Variants in ACSL1 observed in about 807,000 individuals in gnomAD.
The protein encoded by ACSL1 is long-chain-fatty-acid--CoA ligase 1.
Under a neutral mutation model 98.4 loss-of-function variants are expected in ACSL1, and 41 were observed. That is an observed-to-expected ratio of 0.42 (90% CI 0.32 to 0.54). ACSL1 has a LOEUF of 0.54. Ranked by LOEUF, ACSL1 falls within the 20% of genes least tolerant of loss-of-function variation. ACSL1 has a pLI of 0.13. For missense variants in ACSL1, 734 were observed against 883.1 expected (o/e 0.83, Z 2.14); for synonymous variants, 316 against 322.7 (o/e 0.98, Z 0.22).
intron 2 of ACSL1, among the ~76,000 whole-genome samples, chr4:184,791,362 C>T (rs1768330156): frequency 6.6e-6 from 1 of 152,160 alleles, no homozygotes; most frequent in African/African-American, 2.4e-5. Flanking sequence ...CAGGGAGAGT[C>T]AGGATGAACA....
chr4:184,780,362 G>A lies in ACSL1; in HGVS notation c.447C>T (p.Phe149=). 1 of 1,613,816 alleles carries A rather than the reference G, an allele frequency of 6.2e-7. No homozygotes were observed. The highest frequency in any genetic ancestry group is 1.1e-5 in the South Asian group (1 of 91,068). ...QKGFKTAPDQ[F]IGIFAQNRPE... is the part of the protein sequence containing the mutation. Reference sequence around the variant, plus strand: ...GTCTATTTTGAGCAAAGATGCCAATGAACTGATCTGGGGCAGTCTTGAAGC... The same window carrying A: ...GTCTATTTTGAGCAAAGATGCCAATAAACTGATCTGGGGCAGTCTTGAAGC... The change falls in exon 5 of 21, where the codon TTC becomes TTT. Residue 149 remains phenylalanine (F), a synonymous_variant. Coordinates refer to ENST00000281455, the MANE Select transcript of ACSL1 (RefSeq NM_001995.5).
At chr4:184,784,951 T>A (rs1473894795) in intron 3 of ACSL1, among the ~76,000 whole-genome samples, 1 of 152,192 alleles carries the variant, frequency 6.6e-6, no homozygotes, top group Admixed American at 6.5e-5. Context: ...TCCAATCAGA[T>A]GTTGCTTCCA....
Position 184,773,721 on chromosome 4 carries a change from AT to A in ACSL1, c.790-8del. On this transcript the variant is annotated splice_polypyrimidine_tract_variant and splice_region_variant and intron_variant, in intron 8 of 20. Transcript: ENST00000281455. The surrounding 1 kb of genome is among the most constrained non-coding windows in gnomAD (Gnocchi z 4.3). ...GATCTTCAGGTGCTGGAGGCTAAAG[AT>A]TAAAAAAAAAAAAAGCTGGTATAAA... The A allele has an allele frequency of 6.3e-7, 1 of 1,599,708 alleles. No individual in the cohort carries two copies. The highest frequency in any genetic ancestry group is 8.5e-7 in the Non-Finnish European group (1 of 1,176,414).
At chr4:184,812,263 C>G in intron 1 of ACSL1, 1 of 983,084 alleles carries the variant, frequency 1.0e-6, no homozygotes, top group African/African-American at 1.7e-5. Flanking sequence ...CAGTCCCGAG[C>G]CAAGGACAGG....
chr4:184,811,210 G>T (rs913150889), intron 1 of ACSL1, among the ~76,000 whole-genome samples: 8 of 152,018 alleles, frequency 5.3e-5, no homozygotes, highest in African/African-American at 1.7e-4. Flanking sequence ...CTGGGTTCAC[G>T]CCATTCTCCC....
At chr4:184,805,966 T>A (rs539102972) in intron 1 of ACSL1, among the ~76,000 whole-genome samples, 33 of 152,260 alleles carry the variant, frequency 2.2e-4, no homozygotes, top group African/African-American at 7.7e-4. Context: ...CTAACCAAGG[T>A]AAGGCATACC....
In ACSL1 at chr4:184,766,179, G is replaced by A. The variant is rs573240435; in HGVS notation, c.1264-193C>T. Among the ~76,000 whole-genome samples the A allele has an allele frequency of 6.6e-6, 1 of 152,330 alleles. No homozygotes were observed. Among genetic ancestry groups the A allele is most frequent in the Admixed American group, 6.5e-5 (1 of 15,304 alleles). ...GTTTGTTTCCACCCGTGACTGCCCT[G>A]TTCCCTCCCAATGGGGATGGAAGTC... On this transcript the variant is annotated intron_variant, in intron 13 of 20. Coordinates refer to ENST00000281455, the MANE Select transcript of ACSL1 (RefSeq NM_001995.5). This position sits in a 1 kb window ranked among gnomAD's most constrained non-coding sequence, Gnocchi z 4.8.
chr4:184,765,620 A>G (rs1375633871), intron 14 of ACSL1, among the ~76,000 whole-genome samples: 1 of 152,194 alleles, frequency 6.6e-6, no homozygotes, highest in African/African-American at 2.4e-5. Flanking sequence ...TATACTTGAA[A>G]ACTGCCCAGA....
chr4:184,777,078 T>C, intron 5 of ACSL1, 95 bp from the exon 6 acceptor site: 4 of 1,126,144 alleles, frequency 3.6e-6, no homozygotes, highest in Non-Finnish European at 5.2e-6. Context: ...AGTGAAAACA[T>C]TTGACGCAGC....
intron 5 of ACSL1, among the ~76,000 whole-genome samples, 157 bp downstream of exon 5, chr4:184,780,175 C>G (rs1765998106): frequency 6.6e-6 from 1 of 152,150 alleles, no homozygotes. Context: ...CCCAGCGGCC[C>G]TGGTTGAGGT....
At chr4:184,796,572 A>G (rs1231204320) in intron 2 of ACSL1, among the ~76,000 whole-genome samples, 2 of 152,226 alleles carry the variant, frequency 1.3e-5, no homozygotes, top group Admixed American at 6.5e-5. Context: ...AGACCATGGA[A>G]TAACAGGCCA....
At chr4:184,788,199 A>G (rs1298483478) in intron 3 of ACSL1, among the ~76,000 whole-genome samples, 1 of 152,184 alleles carries the variant, frequency 6.6e-6, no homozygotes, top group Non-Finnish European at 1.5e-5. Context: ...CCATGAGCCA[A>G]CATTTCCCAA....
chr4:184,812,703 G>A (rs1046442987), intron 1 of ACSL1, among the ~76,000 whole-genome samples: 1 of 152,110 alleles, frequency 6.6e-6, no homozygotes, highest in African/African-American at 2.4e-5. Context: ...TTGGACAGAC[G>A]ACTGATGATT....
At chr4:184,774,865 T>C (rs1765051074) in intron 7 of ACSL1, among the ~76,000 whole-genome samples, 1 of 152,228 alleles carries the variant, frequency 6.6e-6, no homozygotes, top group Non-Finnish European at 1.5e-5. Context: ...GGAACTAATA[T>C]ATCCAATTAG....
chr4:184,814,118 G>A (rs1045348233), intron 1 of ACSL1, among the ~76,000 whole-genome samples: 9 of 151,996 alleles, frequency 5.9e-5, no homozygotes, highest in Non-Finnish European at 7.4e-5. Context: ...GTGAAACCCC[G>A]TCTCTACTAA....
intron 2 of ACSL1, among the ~76,000 whole-genome samples, chr4:184,801,553 A>G (rs1279340428): frequency 6.6e-6 from 1 of 152,200 alleles, no homozygotes; most frequent in East Asian, 1.9e-4. Context: ...GGATGATGCT[A>G]GCTATATCAA....
chr4:184,798,802 T>C (rs1428469249), intron 2 of ACSL1: 1 of 152,336 alleles, frequency 6.6e-6, no homozygotes, highest in African/African-American at 2.4e-5. Context: ...GCAGAGCATC[T>C]CAGACATTCT....
At chr4:184,784,020 G>A (rs1766787471) in intron 3 of ACSL1, 29 bp from the exon 4 acceptor site, 2 of 1,566,696 alleles carry the variant, frequency 1.3e-6, no homozygotes, top group Admixed American at 1.7e-5. Flanking sequence ...CAACAGATGG[G>A]CTGAACGTAC....
At position 184,813,915 on chromosome 4, in the gene ACSL1, A is replaced by G. The variant is rs1003296929; in HGVS notation, c.-32-10369T>C. On this transcript the variant is annotated intron_variant, in intron 1 of 20. Coordinates refer to ENST00000281455, the MANE Select transcript of ACSL1 (RefSeq NM_001995.5). ...GAAACTGCACGCAGAGAAGGTACCT[A>G]GATCCTGGGGTCCTCTCAGGTGCTC... 2.2e-5 allele frequency: 10 copies of G among 455,164 alleles called. 1 individual carries two copies. The highest frequency in any genetic ancestry group is 1.6e-4 in the African/African-American group (8 of 50,072). The allele number at this position is 455,164 out of a possible 1,614,324, so 28.2% of individuals were successfully genotyped here. A position where few individuals can be genotyped will look rare whatever the true frequency, so the allele number is the denominator to read the frequency against.
Sources: allele counts gnomAD v4.1 joint callset (sites outside exome capture counted in the v4.1 genomes callset), GRCh38; gene constraint gnomAD v4.1.1; non-coding constraint Gnocchi (gnomAD v3.1); transcripts MANE v1.5; gene names NCBI Gene and HGNC (gene_info 2026-07-23, HGNC 2026-07-21).